The following CSMD1 variants were observed in gnomAD, a reference collection of about 807,000 sequenced individuals.
CSMD1 encodes CUB and Sushi multiple domains 1.
In CSMD1, 213 loss-of-function variants were observed where a neutral mutation model predicts 417.5. The observed-to-expected ratio is 0.51, with a 90% CI of 0.46 to 0.57. CSMD1 has a LOEUF of 0.57. Ranked by LOEUF, CSMD1 falls within the 20% of genes least tolerant of loss-of-function variation. The pLI is 0.00. For missense variants in CSMD1, 6,923 were observed against 4,529.7 expected, an observed-to-expected ratio of 1.53 and a Z score of -15.17; for synonymous variants, 2,862 against 1,736.8, an observed-to-expected ratio of 1.65 and a Z score of -16.11.
intron 3 of CSMD1, among the ~76,000 whole-genome samples, chr8:4,256,470 G>A (rs775637368): frequency 2.6e-5 from 4 of 152,170 alleles, no homozygotes; most frequent in African/African-American, 7.2e-5. Flanking sequence ...TGAATTAACC[G>A]AGTACTGGTA....
At chr8:3,932,310 G>T (rs1810205691) in intron 5 of CSMD1, among the ~76,000 whole-genome samples, 1 of 150,602 alleles carries the variant, frequency 6.6e-6, no homozygotes. Context: ...AGTTAAACAT[G>T]TGCTCATGGT....
intron 2 of CSMD1, among the ~76,000 whole-genome samples, chr8:4,456,170 G>GAA (rs1188886164): frequency 2.6e-5 from 4 of 151,454 alleles, no homozygotes; most frequent in African/African-American, 4.9e-5. Flanking sequence ...CTGTCTTTTG[G>GAA]AAAAAGCATG....
At chr8:4,584,022 C>T (rs1434317312) in intron 2 of CSMD1, among the ~76,000 whole-genome samples, 2 of 151,904 alleles carry the variant, frequency 1.3e-5, no homozygotes, top group Non-Finnish European at 2.9e-5. Context: ...TCCAGATGCG[C>T]CGCCTTAAGA....
At chr8:3,307,494 A>ACTATATAGAACTTAATT (rs1256848203) in intron 25 of CSMD1, among the ~76,000 whole-genome samples, 4 of 152,184 alleles carry the variant, frequency 2.6e-5, no homozygotes, top group Non-Finnish European at 4.4e-5. Context: ...TTTTGGCTTT[A>ACTATATAGAACTTAATT]CTATATAGAA....
At chr8:4,676,378 T>C (rs770985219) in intron 1 of CSMD1, among the ~76,000 whole-genome samples, 4 of 152,214 alleles carry the variant, frequency 2.6e-5, no homozygotes, top group East Asian at 1.9e-4. Context: ...ATATTAGCTA[T>C]GTCCTTGACT....
At chr8:4,131,235 T>G (rs1056666047) in intron 3 of CSMD1, among the ~76,000 whole-genome samples, 2 of 152,156 alleles carry the variant, frequency 1.3e-5, no homozygotes, top group Non-Finnish European at 2.9e-5. Context: ...CGGCATGTGG[T>G]GTGGCTGAGT....
intron 8 of CSMD1, among the ~76,000 whole-genome samples, chr8:3,606,153 G>A (rs1042905119): frequency 1.3e-5 from 2 of 152,204 alleles, no homozygotes; most frequent in Non-Finnish European, 2.9e-5. Flanking sequence ...TCGTTCTGCA[G>A]AGAGAAGCCA....
chr8:3,737,599 A>G (rs1187860938), intron 6 of CSMD1, among the ~76,000 whole-genome samples: 1 of 152,190 alleles, frequency 6.6e-6, no homozygotes, highest in Non-Finnish European at 1.5e-5. Flanking sequence ...CACTGTCAAG[A>G]GAGATCACCC....
intron 8 of CSMD1, among the ~76,000 whole-genome samples, chr8:3,610,036 G>C (rs139431581): frequency 2.6e-5 from 4 of 151,692 alleles, no homozygotes; most frequent in East Asian, 3.9e-4. Flanking sequence ...TCCTGACCTC[G>C]AGATTCACCC....
intron 5 of CSMD1, among the ~76,000 whole-genome samples, chr8:3,992,714 G>C (rs1030816378): frequency 6.6e-6 from 1 of 152,202 alleles, no homozygotes; most frequent in Non-Finnish European, 1.5e-5. Context: ...CCAGGAGTTT[G>C]AGGCTACAGT....
chr8:4,440,619 C>T (rs915667886), intron 2 of CSMD1, among the ~76,000 whole-genome samples: 1 of 152,132 alleles, frequency 6.6e-6, no homozygotes, highest in Non-Finnish European at 1.5e-5. Context: ...TAGGTAGTAC[C>T]ATGCAATGAT....
chr8:4,165,621 T>C (rs1000266526), intron 3 of CSMD1, among the ~76,000 whole-genome samples: 5 of 152,276 alleles, frequency 3.3e-5, no homozygotes, highest in Admixed American at 2.0e-4. Context: ...CAGGCTTGGC[T>C]TGAACTCCTT....
chr8:3,864,880 T>C (rs1257798483), intron 5 of CSMD1, among the ~76,000 whole-genome samples: 4 of 152,182 alleles, frequency 2.6e-5, no homozygotes, highest in Admixed American at 6.5e-5. Context: ...AATAATTAAT[T>C]TCTTTGTATA....
At chr8:4,931,125 G>T (rs116066125) in intron 1 of CSMD1, among the ~76,000 whole-genome samples, 114 of 152,270 alleles carry the variant, frequency 7.5e-4, no homozygotes, top group African/African-American at 2.5e-3. Context: ...AGCCTGATAT[G>T]ATTGGTTTTA....
chr8:3,010,364 G>C (rs1239254490), intron 52 of CSMD1, among the ~76,000 whole-genome samples: 1 of 152,120 alleles, frequency 6.6e-6, no homozygotes, highest in East Asian at 1.9e-4. Flanking sequence ...ACCATGCCTT[G>C]TGCATGTGCA....
chr8:4,734,923 C>A (rs1235405556), intron 1 of CSMD1, among the ~76,000 whole-genome samples: 1 of 152,180 alleles, frequency 6.6e-6, no homozygotes, highest in East Asian at 1.9e-4. Context: ...CCTAGGAGGT[C>A]TGGCTTTAGC....
At chr8:4,416,609 C>A (rs373992521) in intron 3 of CSMD1, among the ~76,000 whole-genome samples, 11 of 151,928 alleles carry the variant, frequency 7.2e-5, no homozygotes, top group East Asian at 5.8e-4. Context: ...TAGAAGAATT[C>A]CTTTTTAAAA....
intron 5 of CSMD1, among the ~76,000 whole-genome samples, chr8:3,775,469 C>G (rs1010317379): frequency 5.9e-5 from 9 of 152,096 alleles, no homozygotes; most frequent in Admixed American, 3.3e-4. Flanking sequence ...ATCAATGATA[C>G]TCATGAAAAG....
chr8:4,778,719 C>A (rs1196180108), intron 1 of CSMD1, among the ~76,000 whole-genome samples: 1 of 151,980 alleles, frequency 6.6e-6, no homozygotes, highest in Non-Finnish European at 1.5e-5. Context: ...GGGACTATGC[C>A]CATTTTATAG....
Sources: gnomAD v4.1 joint callset for allele counts (sites outside exome capture counted in the v4.1 genomes callset) on GRCh38, gnomAD v4.1.1 for gene constraint, MANE v1.5 for transcripts, NCBI Gene and HGNC (gene_info 2026-07-23, HGNC 2026-07-21) for gene names.